The following SH3GL3 variants were observed in gnomAD, a reference collection of about 807,000 sequenced individuals.
SH3GL3 encodes SH3 domain containing GRB2 like 3, endophilin A3.
Under a neutral mutation model 47.7 loss-of-function variants are expected in SH3GL3, and 33 were observed. The observed-to-expected ratio is 0.69, with a 90% CI of 0.52 to 0.92. The LOEUF is 0.92. Ranked by LOEUF, SH3GL3 falls within the 40% of genes least tolerant of loss-of-function variation. The pLI is 0.00. For missense variants in SH3GL3, 363 were observed against 417.8 expected (o/e 0.87, Z 1.14); for synonymous variants, 155 against 148.8 (o/e 1.04, Z -0.30).
chr15:83,475,385 A>T (rs2041049970), intron 1 of SH3GL3, among the ~76,000 whole-genome samples: 3 of 152,152 alleles, frequency 2.0e-5, no homozygotes, highest in Non-Finnish European at 2.9e-5. Context: ...AGGCCGAGAC[A>T]GGAGAATCGT....
intron 1 of SH3GL3, among the ~76,000 whole-genome samples, chr15:83,538,989 T>C (rs1286855102): frequency 6.6e-6 from 1 of 152,218 alleles, no homozygotes; most frequent in East Asian, 1.9e-4. Context: ...TGTATGAGTG[T>C]TCCAGTTGCA....
At chr15:83,544,841 G>A (rs1481571986) in intron 1 of SH3GL3, among the ~76,000 whole-genome samples, 1 of 152,076 alleles carries the variant, frequency 6.6e-6, no homozygotes, top group Non-Finnish European at 1.5e-5. Flanking sequence ...AATGTATCAT[G>A]CCACTTTCTT....
At chr15:83,465,944 G>A (rs548304946) in intron 1 of SH3GL3, among the ~76,000 whole-genome samples, 68 of 152,174 alleles carry the variant, frequency 4.5e-4, no homozygotes, top group African/African-American at 1.6e-3. Flanking sequence ...TCACAACTAG[G>A]ATGTTTATGT....
At chr15:83,589,520 G>T (rs557941629) in intron 8 of SH3GL3, among the ~76,000 whole-genome samples, 19 of 152,072 alleles carry the variant, frequency 1.2e-4, no homozygotes, top group Non-Finnish European at 2.1e-4. Flanking sequence ...GGAACTACAG[G>T]TGTATGTGAC....
At chr15:83,499,719 C>T (rs10520579) in intron 1 of SH3GL3, among the ~76,000 whole-genome samples, 15,480 of 152,106 alleles carry the variant, frequency 0.1, 1,162 homozygotes, top group East Asian at 0.23. Flanking sequence ...AGAATTGTGC[C>T]AACTGTAAAC....
At chr15:83,450,178 A>G (rs1376569172) in intron 1 of SH3GL3, among the ~76,000 whole-genome samples, 2 of 152,242 alleles carry the variant, frequency 1.3e-5, no homozygotes, top group Non-Finnish European at 2.9e-5. Flanking sequence ...TGTTTCTGTT[A>G]TAAAAATGAT....
At chr15:83,576,817 T>A (rs1596296333) in intron 6 of SH3GL3, 76 bp downstream of exon 6, 1 of 1,072,912 alleles carries the variant, frequency 9.3e-7, no homozygotes, top group Admixed American at 2.4e-5. Flanking sequence ...ATCGGCATGT[T>A]GAAAAACTCT....
At chr15:83,615,415 A>G (rs1299162004) in intron 8 of SH3GL3, among the ~76,000 whole-genome samples, 1 of 152,090 alleles carries the variant, frequency 6.6e-6, no homozygotes, top group Non-Finnish European at 1.5e-5. Flanking sequence ...CCCAGGTTCA[A>G]GTGATCCTCC....
chr15:83,605,772 G>A (rs1011341397), intron 8 of SH3GL3, among the ~76,000 whole-genome samples: 3 of 152,152 alleles, frequency 2.0e-5, no homozygotes, highest in Admixed American at 1.3e-4. Flanking sequence ...CCAAGCCCGC[G>A]AGTGTGGGGT....
At chr15:83,524,649 T>A (rs892992987) in intron 1 of SH3GL3, among the ~76,000 whole-genome samples, 1 of 152,016 alleles carries the variant, frequency 6.6e-6, no homozygotes, top group African/African-American at 2.4e-5. Context: ...TTAGCTAACC[T>A]TTCTTCATCC....
At chr15:83,588,814 G>T in intron 8 of SH3GL3, 43 bp downstream of exon 8, 1 of 1,036,060 alleles carries the variant, frequency 9.7e-7, no homozygotes, top group Non-Finnish European at 1.5e-6. Flanking sequence ...CTTTAGTAAA[G>T]CACTTCTAGA....
chr15:83,623,640 A>G (rs1434576073), downstream of SH3GL3, among the ~76,000 whole-genome samples: 1 of 152,338 alleles, frequency 6.6e-6, no homozygotes, highest in East Asian at 1.9e-4. Context: ...TCAGCATTAC[A>G]TGGTAAAGGG....
chr15:83,568,175 G>A (rs577049046), intron 3 of SH3GL3, among the ~76,000 whole-genome samples: 1 of 152,022 alleles, frequency 6.6e-6, no homozygotes, highest in East Asian at 1.9e-4. Flanking sequence ...GTAGAGACAG[G>A]GTTTCTCCAT....
chr15:83,490,933 G>T, intron 1 of SH3GL3: 1 of 1,613,738 alleles, frequency 6.2e-7, no homozygotes, highest in Non-Finnish European at 8.5e-7. Flanking sequence ...AAGGGGGAGT[G>T]GTTGGGGAAG....
chr15:83,591,666 A>T (rs2060101648), intron 8 of SH3GL3, among the ~76,000 whole-genome samples: 1 of 151,850 alleles, frequency 6.6e-6, no homozygotes, highest in Non-Finnish European at 1.5e-5. Flanking sequence ...ATGTGTATAC[A>T]TTTTTTTATT....
At chr15:83,533,387 C>T (rs2043767653) in intron 1 of SH3GL3, among the ~76,000 whole-genome samples, 1 of 152,068 alleles carries the variant, frequency 6.6e-6, no homozygotes, top group South Asian at 2.1e-4. Flanking sequence ...TGTAAAATGG[C>T]AGAAGGGGTT....
intron 1 of SH3GL3, among the ~76,000 whole-genome samples, chr15:83,482,217 A>T (rs755633087): frequency 3.9e-5 from 6 of 152,184 alleles, no homozygotes; most frequent in Non-Finnish European, 7.3e-5. Context: ...TTACCTTTAT[A>T]TATGAAATAT....
intron 8 of SH3GL3, among the ~76,000 whole-genome samples, chr15:83,598,998 A>G (rs1180244896): frequency 1.3e-5 from 2 of 152,216 alleles, no homozygotes; most frequent in African/African-American, 2.4e-5. Context: ...CTTAGGTACA[A>G]TTCTCTGAAG....
intron 1 of SH3GL3, among the ~76,000 whole-genome samples, chr15:83,466,413 A>AATATATATATATATAT (rs58728071): frequency 6.7e-5 from 10 of 149,630 alleles, no homozygotes; most frequent in Admixed American, 2.7e-4. Flanking sequence ...CAATTGTTAG[A>AATATATATATATATAT]ATATATATAT....
Sources: gnomAD v4.1 joint callset for allele counts (sites outside exome capture counted in the v4.1 genomes callset) on GRCh38, gnomAD v4.1.1 for gene constraint, MANE v1.5 for transcripts, NCBI Gene and HGNC (gene_info 2026-07-23, HGNC 2026-07-21) for gene names.